Variants in FAM135A observed in about 807,000 individuals in gnomAD.
FAM135A encodes the protein family with sequence similarity 135 member A.
Under a neutral mutation model 146.8 loss-of-function variants are expected in FAM135A, and 79 were observed. That is an observed-to-expected ratio of 0.54 (90% confidence interval 0.45 to 0.65). The LOEUF (loss-of-function observed/expected upper bound fraction) is 0.65, where lower values mean the gene tolerates loss of function less well. Ranked by LOEUF, FAM135A falls within the 30% of genes least tolerant of loss-of-function variation. The pLI is 0.00. For missense variants in FAM135A, 1,623 were observed against 1,758.2 expected (o/e 0.92, Z 1.38); for synonymous variants, 562 against 603.6 (o/e 0.93, Z 1.01).
intron 4 of FAM135A, among the ~76,000 whole-genome samples, chr6:70,438,145 A>G (rs1402826229): frequency 6.6e-6 from 1 of 152,228 alleles, no homozygotes; most frequent in Non-Finnish European, 1.5e-5. Flanking sequence ...AATGACAAGT[A>G]GAAACATTCA....
chr6:70,483,922 T>C (rs187453100), intron 10 of FAM135A, among the ~76,000 whole-genome samples: 1 of 152,336 alleles, frequency 6.6e-6, no homozygotes, highest in East Asian at 1.9e-4. Context: ...CTTACTTACT[T>C]TGAGCCTACA....
intron 4 of FAM135A, among the ~76,000 whole-genome samples, chr6:70,448,824 T>C (rs995419544): frequency 6.6e-6 from 1 of 152,260 alleles, no homozygotes; most frequent in African/African-American, 2.4e-5. Flanking sequence ...AGCAGGAGCA[T>C]GTCCTTAAGG....
intron 10 of FAM135A, chr6:70,486,143 G>A: frequency 6.2e-7 from 1 of 1,608,142 alleles, no homozygotes; most frequent in South Asian, 1.1e-5. Flanking sequence ...AGTAACTAGT[G>A]CTGTGTGCAA....
intron 5 of FAM135A, among the ~76,000 whole-genome samples, chr6:70,464,667 C>CTTTTTTTTTTTTTTTTTTTT (rs533623758): frequency 3.0e-5 from 3 of 99,378 alleles, no homozygotes; most frequent in East Asian, 2.3e-4. Context: ...TCTTTTTTTT[C>CTTTTTTTTTTTTTTTTTTTT]TTTTTTTTTT....
intron 20 of FAM135A, among the ~76,000 whole-genome samples, chr6:70,539,903 G>A (rs576570339): frequency 3.9e-5 from 6 of 152,310 alleles, no homozygotes; most frequent in Non-Finnish European, 5.9e-5. Context: ...GGCTGAGGCA[G>A]GAGAATGGCG....
chr6:70,423,162 G>A (rs755326321), intron 2 of FAM135A, among the ~76,000 whole-genome samples: 5 of 152,134 alleles, frequency 3.3e-5, no homozygotes, highest in Non-Finnish European at 7.4e-5. Context: ...TATTTCATGC[G>A]TTCAAAGAGT....
At chr6:70,452,804 A>G (rs1777416861) in intron 5 of FAM135A, among the ~76,000 whole-genome samples, 2 of 152,328 alleles carry the variant, frequency 1.3e-5, no homozygotes, top group Non-Finnish European at 2.9e-5. Context: ...AAGTTTCATG[A>G]AAACAAATGT....
chr6:70,555,918 C>T (rs371063861), intron 20 of FAM135A, among the ~76,000 whole-genome samples: 16 of 152,036 alleles, frequency 1.1e-4, no homozygotes, highest in African/African-American at 3.9e-4. Context: ...TAGTATCATA[C>T]GGTCACACTT....
At position 70,450,716 on chromosome 6, in the gene FAM135A, G is replaced by GTTTTTTTTTTTTTTTTTTTT. The variant is rs546674936; in HGVS notation, c.78-1753_78-1734dup. Among the ~76,000 whole-genome samples, 12 of 28,348 alleles carry GTTTTTTTTTTTTTTTTTTTT rather than the reference G, an allele frequency of 4.2e-4. 5 individuals are homozygous for GTTTTTTTTTTTTTTTTTTTT. The highest frequency in any genetic ancestry group is 7.6e-4 in the Non-Finnish European group (10 of 13,088). 18.6% of individuals were successfully genotyped at this position (28,348 alleles called of 152,430 possible). A position where few individuals can be genotyped will look rare whatever the true frequency, so the allele number is the denominator to read the frequency against. On this transcript the variant is annotated intron_variant, in intron 4 of 21. Transcript: ENST00000418814. ...CTCAGGGAGTGTGACCCTTTTAGTT[G>GTTTTTTTTTTTTTTTTTTTT]TTTTTTTTTTTTTTTTTTTTTTTTT...
chr6:70,440,270 A>G (rs1774147202), intron 4 of FAM135A, among the ~76,000 whole-genome samples: 1 of 152,082 alleles, frequency 6.6e-6, no homozygotes, highest in South Asian at 2.1e-4. Flanking sequence ...CTTTTTTGTG[A>G]TATGATTGAT....
At chr6:70,501,514 G>A (rs976298032) in intron 11 of FAM135A, among the ~76,000 whole-genome samples, 12 of 152,108 alleles carry the variant, frequency 7.9e-5, no homozygotes, top group Admixed American at 2.0e-4. Context: ...GTTCTGTCTC[G>A]CTGGGGTTCC....
chr6:70,506,793 A>AT (rs1486510038), intron 12 of FAM135A, among the ~76,000 whole-genome samples: 2 of 133,668 alleles, frequency 1.5e-5, no homozygotes, highest in Admixed American at 7.6e-5. Context: ...CAGACAGGGT[A>AT]TTTTTTTAAA....
chr6:70,516,309 G>T (rs573151821), intron 12 of FAM135A, among the ~76,000 whole-genome samples: 1 of 152,204 alleles, frequency 6.6e-6, no homozygotes, highest in African/African-American at 2.4e-5. Flanking sequence ...GTGCTAGAAA[G>T]AGTGGGAACT....
chr6:70,520,936 G>GT (rs1265939774), intron 12 of FAM135A, among the ~76,000 whole-genome samples: 1 of 152,236 alleles, frequency 6.6e-6, no homozygotes, highest in Non-Finnish European at 1.5e-5. Context: ...AAAGGAAAAG[G>GT]TAAGTGTTTG....
intron 12 of FAM135A, among the ~76,000 whole-genome samples, chr6:70,514,501 C>G (rs77139072): frequency 0.021 from 3,237 of 152,176 alleles, 108 homozygotes; most frequent in African/African-American, 0.074. Context: ...AGTTGTTACT[C>G]CCATCCTAAC....
At chr6:70,425,544 A>G (rs1769878421) in intron 2 of FAM135A, among the ~76,000 whole-genome samples, 1 of 152,352 alleles carries the variant, frequency 6.6e-6, no homozygotes, top group Admixed American at 6.5e-5. Flanking sequence ...AAAACTCTGT[A>G]TCAAAGAGTG....
intron 4 of FAM135A, among the ~76,000 whole-genome samples, chr6:70,446,402 C>A (rs546194527): frequency 6.6e-6 from 1 of 152,116 alleles, no homozygotes; most frequent in Non-Finnish European, 1.5e-5. Flanking sequence ...ATAGTGTGAC[C>A]GTGGCATGCA....
At position 70,556,984 on chromosome 6, in the gene FAM135A, C is replaced by T. The variant is rs1262211238; in HGVS notation, c.4342+121C>T. On this transcript the variant is annotated intron_variant, in intron 21 of 21. Transcript: ENST00000418814. ...CTCTTTCCTGTTACTTCCTTTCCAC[C>T]CACTTATATTAACAGCTGTCCTTTT... 7.1e-6 allele frequency: 5 copies of T among 709,164 alleles called. No homozygotes were observed. The East Asian group carries it at 1.3e-4, about 19-fold the overall frequency. 43.9% of individuals were successfully genotyped at this position (709,164 alleles called of 1,614,324 possible).
Position 70,428,423 on chromosome 6 carries a change from T to G in FAM135A, c.77+4T>G. On this transcript the variant is annotated splice_donor_region_variant and intron_variant, in intron 4 of 21. Coordinates refer to ENST00000418814, the MANE Select transcript of FAM135A (RefSeq NM_001162529.3). ...ATGTGGATTTGTTTCAGAGAGGGTATGTATTTTATTGTGAAAATGATATAT... is the reference window on the plus strand; with the variant it reads ...ATGTGGATTTGTTTCAGAGAGGGTAGGTATTTTATTGTGAAAATGATATAT... 6.3e-7 allele frequency: 1 copy of G among 1,579,728 alleles called. No homozygotes were observed. The highest frequency in any genetic ancestry group is 8.6e-7 in the Non-Finnish European group (1 of 1,160,830).
Sources: gnomAD v4.1 joint callset for allele counts (sites outside exome capture counted in the v4.1 genomes callset) on GRCh38, gnomAD v4.1.1 for gene constraint, MANE v1.5 for transcripts, NCBI Gene and HGNC (gene_info 2026-07-23, HGNC 2026-07-21) for gene names.